The following FNDC3B variants were observed in gnomAD, a reference collection of about 807,000 sequenced individuals.
FNDC3B encodes the protein fibronectin type III domain-containing protein 3B.
A neutral mutation model predicts 151.5 loss-of-function variants in FNDC3B; 12 were observed. The observed-to-expected ratio is 0.08, with a 90% CI of 0.05 to 0.13. The LOEUF is 0.13. FNDC3B is among the 10% of genes least tolerant of loss of function. The pLI, the probability that FNDC3B is intolerant of heterozygous loss-of-function variation, is 1.00. For missense variants in FNDC3B, 1,214 were observed against 1,505.3 expected, an observed-to-expected ratio of 0.81 and a Z score of 3.20; for synonymous variants, 528 against 549.0, an observed-to-expected ratio of 0.96 and a Z score of 0.54.
intron 2 of FNDC3B, among the ~76,000 whole-genome samples, chr3:172,129,748 T>C (rs1161409249): frequency 6.6e-6 from 1 of 152,240 alleles, no homozygotes; most frequent in East Asian, 1.9e-4. Flanking sequence ...TCCCATGATT[T>C]GATTAGCATG....
intron 23 of FNDC3B, among the ~76,000 whole-genome samples, chr3:172,376,723 C>T (rs923868107): frequency 2.0e-5 from 3 of 152,066 alleles, no homozygotes; most frequent in Non-Finnish European, 4.4e-5. Flanking sequence ...AAGGCACTTC[C>T]TTACACAGCA....
chr3:172,061,325 C>T (rs993306237), intron 1 of FNDC3B, among the ~76,000 whole-genome samples: 8 of 151,936 alleles, frequency 5.3e-5, no homozygotes, highest in African/African-American at 1.2e-4. Context: ...CTCCGCCTCC[C>T]GGGTTCGCAC....
intron 1 of FNDC3B, among the ~76,000 whole-genome samples, chr3:172,078,153 G>A (rs1476493814): frequency 1.3e-5 from 2 of 152,026 alleles, no homozygotes; most frequent in Non-Finnish European, 1.5e-5. Context: ...GCTAATTTTT[G>A]TACTTTTAGT....
chr3:172,067,183 T>A (rs1717541548), intron 1 of FNDC3B, among the ~76,000 whole-genome samples: 1 of 152,220 alleles, frequency 6.6e-6, no homozygotes, highest in Non-Finnish European at 1.5e-5. Flanking sequence ...TTCCTAATTT[T>A]GTCCTTTTAA....
At chr3:172,382,049 G>A (rs543348246) in intron 25 of FNDC3B, among the ~76,000 whole-genome samples, 1 of 152,306 alleles carries the variant, frequency 6.6e-6, no homozygotes. Context: ...TTGCCACACT[G>A]TCTTCCACAA....
At chr3:172,363,903 T>A (rs1490176513) in intron 23 of FNDC3B, among the ~76,000 whole-genome samples, 1 of 151,990 alleles carries the variant, frequency 6.6e-6, no homozygotes, top group African/African-American at 2.4e-5. Flanking sequence ...GAGGAAAAAA[T>A]TGCTTTGGGA....
chr3:172,063,296 A>G (rs1361136507), intron 1 of FNDC3B, among the ~76,000 whole-genome samples: 1 of 151,926 alleles, frequency 6.6e-6, no homozygotes, highest in African/African-American at 2.4e-5. Context: ...TTTCTTGTAC[A>G]TTGTCCTTCT....
intron 1 of FNDC3B, among the ~76,000 whole-genome samples, chr3:172,074,344 A>C (rs1251061565): frequency 6.6e-6 from 1 of 152,238 alleles, no homozygotes; most frequent in Non-Finnish European, 1.5e-5. Flanking sequence ...GCTCACAAAC[A>C]TCAAATCAGC....
At chr3:172,075,621 C>T (rs935171132) in intron 1 of FNDC3B, among the ~76,000 whole-genome samples, 1 of 151,754 alleles carries the variant, frequency 6.6e-6, no homozygotes, top group East Asian at 1.9e-4. Flanking sequence ...TTATATTGAG[C>T]CTAAATTGGC....
intron 1 of FNDC3B, among the ~76,000 whole-genome samples, chr3:172,100,563 T>C (rs898219600): frequency 1.3e-4 from 20 of 152,346 alleles, no homozygotes; most frequent in Non-Finnish European, 1.2e-4. Context: ...TACTTTATAT[T>C]AAAATTTTAT....
intron 7 of FNDC3B, among the ~76,000 whole-genome samples, chr3:172,292,050 C>T (rs145888921): frequency 6.6e-6 from 1 of 152,288 alleles, no homozygotes; most frequent in Non-Finnish European, 1.5e-5. Context: ...ATGTCAGTTT[C>T]TGGAATCAGC....
chr3:172,161,400 T>C (rs1722757213), intron 3 of FNDC3B, among the ~76,000 whole-genome samples: 1 of 152,238 alleles, frequency 6.6e-6, no homozygotes, highest in Admixed American at 6.5e-5. Context: ...TGTGGGTCAC[T>C]TGTAGAAGAA....
intron 3 of FNDC3B, among the ~76,000 whole-genome samples, chr3:172,138,527 T>A (rs1026776834): frequency 6.6e-6 from 1 of 152,212 alleles, no homozygotes; most frequent in African/African-American, 2.4e-5. Context: ...GAAATATGTT[T>A]AAATTCTAAA....
chr3:172,212,677 AAGC>A (rs1436157597), intron 3 of FNDC3B, among the ~76,000 whole-genome samples: 3 of 152,216 alleles, frequency 2.0e-5, no homozygotes, highest in African/African-American at 7.2e-5. Flanking sequence ...CTCTAGAAGG[AAGC>A]ACAGAAATTA....
chr3:172,326,877 A>G (rs1328750861), intron 11 of FNDC3B, among the ~76,000 whole-genome samples: 2 of 152,170 alleles, frequency 1.3e-5, no homozygotes, highest in African/African-American at 4.8e-5. Flanking sequence ...AAGAAATAGG[A>G]AAAATGAGGC....
intron 3 of FNDC3B, 62 bp from the exon 4 acceptor site, chr3:172,226,809 C>G: frequency 9.2e-7 from 1 of 1,084,890 alleles, no homozygotes; most frequent in East Asian, 2.4e-5. Flanking sequence ...ACATTGAAAA[C>G]ATTAATTATT....
At chr3:172,255,212 T>C (rs933910019) in intron 6 of FNDC3B, among the ~76,000 whole-genome samples, 2 of 152,192 alleles carry the variant, frequency 1.3e-5, no homozygotes, top group Non-Finnish European at 2.9e-5. Context: ...ACCCGTCTTA[T>C]ATTTTGAAAG....
At chr3:172,169,987 TC>T (rs1314412943) in intron 3 of FNDC3B, among the ~76,000 whole-genome samples, 2 of 152,214 alleles carry the variant, frequency 1.3e-5, no homozygotes, top group East Asian at 1.9e-4. Context: ...GCGGTTTCTG[TC>T]CCGTCCTCTG....
At chr3:172,235,150 C>T (rs1727083082) in intron 4 of FNDC3B, among the ~76,000 whole-genome samples, 1 of 151,990 alleles carries the variant, frequency 6.6e-6, no homozygotes. Context: ...TTTATTTGCA[C>T]ATCAATAACA....
Sources: allele counts gnomAD v4.1 joint callset (sites outside exome capture counted in the v4.1 genomes callset), GRCh38; gene constraint gnomAD v4.1.1; transcripts MANE v1.5; gene names NCBI Gene and HGNC (gene_info 2026-07-23, HGNC 2026-07-21).